Variants in TRIM44 observed in about 807,000 individuals in gnomAD.
The protein encoded by TRIM44 is tripartite motif containing 44.
TRIM44 carries 13 observed loss-of-function variants against 37.4 expected under a neutral mutation model. The ratio of observed to expected loss-of-function variants is 0.35; its 90% CI spans 0.23 to 0.55. The LOEUF (loss-of-function observed/expected upper bound fraction) is 0.55. TRIM44 is among the 20% of genes least tolerant of loss of function. The probability of loss-of-function intolerance (pLI) is 0.89; values close to 1 mark genes in which losing one functional copy is unlikely to be tolerated. For missense variants in TRIM44, 426 were observed against 437.2 expected (o/e 0.97, Z 0.23); for synonymous variants, 175 against 157.2 (o/e 1.11, Z -0.85).
rs147704127 is a variant in TRIM44 at position 35,810,030 on chromosome 11, A to G, written c.*3645A>G. On this transcript the variant is annotated 3_prime_UTR_variant, in exon 5 of 5. Coordinates refer to ENST00000299413, the MANE Select transcript of TRIM44 (RefSeq NM_017583.6). ...TAGGTACTTGCTTACAGGAAGAGCA[A>G]TTCCCTAGCAAAGGTCATTAGCTCC... 6.6e-6 allele frequency: 1 copy of G among 152,264 alleles called. No homozygotes were observed. The highest frequency in any genetic ancestry group is 2.4e-5 in the African/African-American group (1 of 41,554). The allele number at this position is 152,264 out of a possible 1,614,324, so 9.4% of individuals were successfully genotyped here. A position where few individuals can be genotyped will look rare whatever the true frequency, so the allele number is the denominator to read the frequency against.
At chr11:35,761,388 G>GCTCTCT (rs58015445) in intron 4 of TRIM44, among the ~76,000 whole-genome samples, 2 of 112,760 alleles carry the variant, frequency 1.8e-5, no homozygotes, top group Non-Finnish European at 3.8e-5. Flanking sequence ...TGTATTGTTT[G>GCTCTCT]CTCTCTCTCT....
At chr11:35,760,925 T>C (rs1037037214) in intron 4 of TRIM44, among the ~76,000 whole-genome samples, 1 of 152,158 alleles carries the variant, frequency 6.6e-6, no homozygotes, top group Non-Finnish European at 1.5e-5. Context: ...TTTATATCCT[T>C]TGGCCAACAT....
chr11:35,667,958 G>C (rs1284592282), intron 1 of TRIM44, among the ~76,000 whole-genome samples: 1 of 152,028 alleles, frequency 6.6e-6, no homozygotes, highest in Non-Finnish European at 1.5e-5. Context: ...TGCTATCAAA[G>C]TTTGGCTTCA....
intron 4 of TRIM44, among the ~76,000 whole-genome samples, chr11:35,791,089 G>T (rs1203346411): frequency 6.6e-6 from 1 of 152,006 alleles, no homozygotes; most frequent in Non-Finnish European, 1.5e-5. Flanking sequence ...TAGACTCCTG[G>T]ACAAGTGAGT....
rs184517982 is a variant in TRIM44 at position 35,774,434 on chromosome 11, T to G, written c.1008-31924T>G. ...TCTGTAGGTTGCCTGTTCACTCTGA[T>G]GGTAGTTTCTTTTGCTGTGCAGAAG... On this transcript the variant is annotated intron_variant, in intron 4 of 4. Transcript: ENST00000299413. 1.7e-3 allele frequency among the ~76,000 whole-genome samples: 264 copies of G among 152,336 alleles called. 1 individual carries two copies. The highest frequency in any genetic ancestry group is 6.0e-3 in the African/African-American group (251 of 41,576).
chr11:35,814,527 G>A lies in TRIM44; in HGVS notation c.*8142G>A, dbSNP rs962093628. On this transcript the variant is annotated 3_prime_UTR_variant, in exon 5 of 5. Transcript: ENST00000299413. ...GGTAACCTGGCCCTGATCTGATGAC[G>A]CTAAGATTTAAAAACCCAGATGCAT... 1 of 152,094 alleles carries A rather than the reference G, an allele frequency of 6.6e-6. No homozygotes were observed. Among genetic ancestry groups the A allele is most frequent in the Non-Finnish European group, 1.5e-5 (1 of 68,030 alleles). The allele number at this position is 152,094 out of a possible 1,614,324, so 9.4% of individuals were successfully genotyped here.
intron 1 of TRIM44, among the ~76,000 whole-genome samples, chr11:35,682,496 T>G (rs1243558035): frequency 6.6e-6 from 1 of 152,204 alleles, no homozygotes; most frequent in Non-Finnish European, 1.5e-5. Context: ...CTCTGCCTTC[T>G]GACCAACTGC....
intron 2 of TRIM44, among the ~76,000 whole-genome samples, chr11:35,701,704 C>T (rs1311070551): frequency 6.6e-6 from 1 of 152,194 alleles, no homozygotes; most frequent in East Asian, 1.9e-4. Context: ...TAAGGTACCC[C>T]TCTTTATGAC....
At chr11:35,680,685 G>A (rs1851512291) in intron 1 of TRIM44, among the ~76,000 whole-genome samples, 1 of 152,170 alleles carries the variant, frequency 6.6e-6, no homozygotes, top group South Asian at 2.1e-4. Flanking sequence ...AAGAGGAAAG[G>A]AGAAGTGGAT....
Position 35,734,098 on chromosome 11 carries a change from T to C in TRIM44, c.988-1328T>C, listed in dbSNP as rs190310049. 1.3e-3 allele frequency among the ~76,000 whole-genome samples: 196 copies of C among 152,348 alleles called. No individual in the cohort carries two copies. The Middle Eastern group carries it at 0.017, about 13-fold the overall frequency. ...TTGATCATAACACATTTAGTAATAG[T>C]TCATTTTCTTTCTGCCTGTTTCTCA... On this transcript the variant is annotated intron_variant, in intron 3 of 4. Coordinates refer to ENST00000299413, the MANE Select transcript of TRIM44 (RefSeq NM_017583.6).
chr11:35,688,869 A>G (rs542168836), intron 2 of TRIM44, among the ~76,000 whole-genome samples: 1 of 152,076 alleles, frequency 6.6e-6, no homozygotes, highest in South Asian at 2.1e-4. Context: ...CACTTTGAGA[A>G]CCTCTGTGCT....
At chr11:35,796,329 A>G (rs1644335704) in intron 4 of TRIM44, among the ~76,000 whole-genome samples, 1 of 152,212 alleles carries the variant, frequency 6.6e-6, no homozygotes, top group Non-Finnish European at 1.5e-5. Context: ...GAGATTAGAG[A>G]TAAGTGTCAA....
intron 4 of TRIM44, among the ~76,000 whole-genome samples, chr11:35,736,698 A>G (rs982926685): frequency 6.6e-6 from 1 of 152,194 alleles, no homozygotes; most frequent in Non-Finnish European, 1.5e-5. Context: ...CTCCTTGTCT[A>G]CTATGGCTAA....
At chr11:35,686,356 CTTTTTGTTTTTG>C (rs1334818306) in intron 2 of TRIM44, among the ~76,000 whole-genome samples, 2 of 143,622 alleles carry the variant, frequency 1.4e-5, no homozygotes, top group Non-Finnish European at 3.0e-5. Context: ...ACTGTAGGTT[CTTTTTGTTTTTG>C]TTTTTGTTTT....
intron 4 of TRIM44, among the ~76,000 whole-genome samples, chr11:35,757,577 T>C (rs1034829465): frequency 6.6e-6 from 1 of 152,228 alleles, no homozygotes; most frequent in Non-Finnish European, 1.5e-5. Flanking sequence ...TCTAGTTCTT[T>C]TAATTGTGAT....
chr11:35,696,906 T>A (rs929027408), intron 2 of TRIM44, among the ~76,000 whole-genome samples: 16 of 152,052 alleles, frequency 1.1e-4, no homozygotes, highest in Non-Finnish European at 1.9e-4. Context: ...CAAAAATGTT[T>A]CATTATCTTT....
intron 1 of TRIM44, among the ~76,000 whole-genome samples, chr11:35,670,315 CT>C (rs1332904281): frequency 6.6e-6 from 1 of 152,226 alleles, no homozygotes; most frequent in Non-Finnish European, 1.5e-5. Context: ...GAACTATAGA[CT>C]TTACTGAATG....
At chr11:35,782,933 A>ATT (rs781076820) in intron 4 of TRIM44, among the ~76,000 whole-genome samples, 3 of 152,160 alleles carry the variant, frequency 2.0e-5, no homozygotes, top group Non-Finnish European at 4.4e-5. Flanking sequence ...AGTGGGTGTT[A>ATT]TTAGCTCCAC....
In TRIM44 at chr11:35,794,008, C is replaced by T. The variant is rs546909648; in HGVS notation, c.1008-12350C>T. Among the ~76,000 whole-genome samples the T allele has an allele frequency of 7.9e-5, 12 of 152,334 alleles. No individual in the cohort carries two copies. In the East Asian group the frequency reaches 1.7e-3, roughly 22 times the overall value. On this transcript the variant is annotated intron_variant, in intron 4 of 4. Coordinates refer to ENST00000299413, the MANE Select transcript of TRIM44 (RefSeq NM_017583.6). ...AGTGCTTATAATGTATAATTATCCT[C>T]ATTTTACAGATATGGAAACTTTAAA...
Sources: allele counts gnomAD v4.1 joint callset (sites outside exome capture counted in the v4.1 genomes callset), GRCh38; gene constraint gnomAD v4.1.1; transcripts MANE v1.5; gene names NCBI Gene and HGNC (gene_info 2026-07-23, HGNC 2026-07-21).